FAM13C: variants seen among roughly 807,000 people sequenced by gnomAD.
The protein encoded by FAM13C is family with sequence similarity 13 member C, also known as protein FAM13C.
A neutral mutation model predicts 73.2 loss-of-function variants in FAM13C; 37 were observed. The observed-to-expected ratio is 0.51, with a 90% confidence interval of 0.39 to 0.67. FAM13C has a LOEUF of 0.67. Among genes scored for constraint, FAM13C ranks in the 30% least tolerant of loss-of-function variants. The pLI is 0.00. For missense variants in FAM13C, 589 were observed against 715.6 expected, an observed-to-expected ratio of 0.82 and a Z score of 2.02; for synonymous variants, 246 against 260.9, an observed-to-expected ratio of 0.94 and a Z score of 0.55.
intron 4 of FAM13C, among the ~76,000 whole-genome samples, chr10:59,312,646 A>G (rs1849068343): frequency 6.6e-6 from 1 of 152,204 alleles, no homozygotes. Flanking sequence ...GTCCACCACC[A>G]ACTTTTCTGA....
At chr10:59,300,992 G>T (rs1004224754) in intron 5 of FAM13C, 1 of 152,206 alleles carries the variant, frequency 6.6e-6, no homozygotes, top group African/African-American at 2.4e-5. Context: ...GTTCCATAGA[G>T]ACTCTGTCGC....
chr10:59,283,886 C>T (rs1405335737), intron 5 of FAM13C, among the ~76,000 whole-genome samples: 3 of 152,102 alleles, frequency 2.0e-5, no homozygotes, highest in Non-Finnish European at 4.4e-5. Flanking sequence ...TTAGGTCCCT[C>T]CCTGGCTACC....
At position 59,355,961 on chromosome 10, in the gene FAM13C, A is replaced by G; in HGVS notation, c.63-18T>C. 1 of 1,612,378 alleles carries G rather than the reference A, an allele frequency of 6.2e-7. No homozygotes were observed. The highest frequency in any genetic ancestry group is 8.5e-7 in the Non-Finnish European group (1 of 1,178,456). On this transcript the variant is annotated intron_variant, in intron 1 of 13. Transcript: ENST00000618804. ...CGTCACACCTGGAAGAGTGGGAAGA[A>G]AAATCACATCAGATCCAATTGTCTG...
At chr10:59,290,154 C>T (rs1268374107) in intron 5 of FAM13C, among the ~76,000 whole-genome samples, 1 of 152,168 alleles carries the variant, frequency 6.6e-6, no homozygotes, top group Non-Finnish European at 1.5e-5. Flanking sequence ...ATACTCTACT[C>T]ATTTTCTCTC....
intron 9 of FAM13C, 61 bp from the exon 10 acceptor site, chr10:59,262,706 A>G: frequency 1.4e-6 from 2 of 1,433,328 alleles, no homozygotes; most frequent in South Asian, 2.4e-5. Flanking sequence ...AAGAATGGAG[A>G]GACTTTCAGG....
At chr10:59,286,516 A>AATAT (rs1159774665) in intron 5 of FAM13C, among the ~76,000 whole-genome samples, 62,306 of 110,668 alleles carry the variant, frequency 0.56, 19,893 homozygotes, top group East Asian at 0.81. Flanking sequence ...CTCCATCTCA[A>AATAT]ATATATATAT....
intron 3 of FAM13C, among the ~76,000 whole-genome samples, chr10:59,334,993 G>A (rs1212364751): frequency 6.6e-6 from 1 of 152,148 alleles, no homozygotes; most frequent in African/African-American, 2.4e-5. Flanking sequence ...GGGGAATGAG[G>A]TTCCACAAAG....
At chr10:59,257,948 G>T (rs960249382) in intron 10 of FAM13C, among the ~76,000 whole-genome samples, 11 of 152,076 alleles carry the variant, frequency 7.2e-5, no homozygotes, top group African/African-American at 2.7e-4. Context: ...AATGTTTCTG[G>T]ATTAATAACA....
At chr10:59,261,848 T>G (rs895407599) in intron 10 of FAM13C, among the ~76,000 whole-genome samples, 1 of 152,074 alleles carries the variant, frequency 6.6e-6, no homozygotes, top group African/African-American at 2.4e-5. Context: ...TAAAATATAA[T>G]AAATCTTTTC....
chr10:59,312,040 C>T (rs1388504296), intron 4 of FAM13C, among the ~76,000 whole-genome samples: 1 of 151,772 alleles, frequency 6.6e-6, no homozygotes, highest in East Asian at 1.9e-4. Flanking sequence ...AAGAGAAAAA[C>T]CTCATCACAC....
chr10:59,360,498 G>A (rs973497249), intron 1 of FAM13C, among the ~76,000 whole-genome samples: 9 of 152,202 alleles, frequency 5.9e-5, no homozygotes, highest in African/African-American at 2.2e-4. Flanking sequence ...CTATGTCTGT[G>A]TCTCAGGATA....
chr10:59,317,449 T>C (rs1564573285), intron 4 of FAM13C, among the ~76,000 whole-genome samples: 1 of 152,216 alleles, frequency 6.6e-6, no homozygotes, highest in Non-Finnish European at 1.5e-5. Flanking sequence ...GTTTCCTGTT[T>C]GGTCTCCTAG....
chr10:59,340,455 G>A (rs1853344750), intron 3 of FAM13C, among the ~76,000 whole-genome samples: 1 of 152,086 alleles, frequency 6.6e-6, no homozygotes, highest in African/African-American at 2.4e-5. Context: ...CAGCAAGGCT[G>A]CATGGGCTAG....
At chr10:59,261,358 A>G (rs1053714685) in intron 10 of FAM13C, among the ~76,000 whole-genome samples, 7 of 152,192 alleles carry the variant, frequency 4.6e-5, no homozygotes, top group Non-Finnish European at 8.8e-5. Flanking sequence ...CCTTATGTAA[A>G]TGACTAATCC....
chr10:59,298,552 T>C (rs1167007493), intron 5 of FAM13C, among the ~76,000 whole-genome samples: 1 of 152,182 alleles, frequency 6.6e-6, no homozygotes, highest in Non-Finnish European at 1.5e-5. Flanking sequence ...AGGCCCATGG[T>C]GACCCAGAGC....
chr10:59,360,159 C>T (rs754084913), intron 1 of FAM13C, among the ~76,000 whole-genome samples: 1 of 152,164 alleles, frequency 6.6e-6, no homozygotes, highest in Non-Finnish European at 1.5e-5. Context: ...GCTGGCCAAG[C>T]ATAACCATAA....
Position 59,355,958 on chromosome 10 carries a change from A to G in FAM13C, c.63-15T>C, listed in dbSNP as rs1177117996. On this transcript the variant is annotated splice_polypyrimidine_tract_variant and intron_variant, in intron 1 of 13. Transcript: ENST00000618804. ...CTTCGTCACACCTGGAAGAGTGGGA[A>G]GAAAAATCACATCAGATCCAATTGT... 4 of 1,613,032 alleles carry G rather than the reference A, an allele frequency of 2.5e-6. No individual in the cohort carries two copies. Among genetic ancestry groups the G allele is most frequent in the Non-Finnish European group, 2.5e-6 (3 of 1,179,046 alleles).
chr10:59,291,847 G>A (rs183904056), intron 5 of FAM13C, among the ~76,000 whole-genome samples: 2 of 139,432 alleles, frequency 1.4e-5, no homozygotes, highest in African/African-American at 2.7e-5. Flanking sequence ...GGAGTGCAGT[G>A]GTGTGATCTC....
intron 3 of FAM13C, among the ~76,000 whole-genome samples, chr10:59,344,656 TAAGA>T (rs970429674): frequency 2.6e-5 from 4 of 152,114 alleles, no homozygotes; most frequent in Admixed American, 6.5e-5. Flanking sequence ...AACAACCTCT[TAAGA>T]TAGATACAAT....
Sources: allele counts gnomAD v4.1 joint callset (sites outside exome capture counted in the v4.1 genomes callset), GRCh38; gene constraint gnomAD v4.1.1; transcripts MANE v1.5; gene names NCBI Gene and HGNC (gene_info 2026-07-23, HGNC 2026-07-21).